CEP95: variants seen among roughly 807,000 people sequenced by gnomAD.
CEP95 encodes centrosomal protein of 95 kDa.
In CEP95, 98 loss-of-function variants were observed where a neutral mutation model predicts 111.2. The ratio of observed to expected loss-of-function variants is 0.88; its 90% CI spans 0.75 to 1.04. CEP95 has a LOEUF of 1.04. CEP95 is among the 50% of genes least tolerant of loss of function. CEP95 has a pLI of 0.00. For synonymous variants in CEP95, 323 were observed against 327.1 expected (o/e 0.99, Z 0.14); for missense variants, 1,027 against 977.2 (o/e 1.05, Z -0.68).
chr17:64,534,742 GTC>G lies in CEP95; in HGVS notation c.2070+7_2070+8del, dbSNP rs573891020. The G allele has an allele frequency of 8.3e-4, 1,340 of 1,609,460 alleles. 5 individuals are homozygous for G. In the Middle Eastern group the frequency reaches 0.02, roughly 24 times the overall value. On this transcript the variant is annotated splice_donor_region_variant and intron_variant, in intron 17 of 19. Coordinates refer to ENST00000556440, the MANE Select transcript of CEP95 (RefSeq NM_138363.3). ...ATGAGGACCCGGGAAGAAATGGTAA[GTC>G]TGACTTTTCTGTCCAGCCCTGTTAA...
intron 5 of CEP95, among the ~76,000 whole-genome samples, chr17:64,517,217 T>G (rs1258433302): frequency 6.6e-6 from 1 of 152,058 alleles, no homozygotes; most frequent in Non-Finnish European, 1.5e-5. Flanking sequence ...CGGCTAATTT[T>G]TATATTTTTA....
intron 19 of CEP95, 65 bp from the exon 20 acceptor site, chr17:64,537,538 G>A (rs1968739898): frequency 6.8e-7 from 1 of 1,477,160 alleles, no homozygotes; most frequent in Admixed American, 2.3e-5. Flanking sequence ...AGATGGAGAG[G>A]GAACAATAGA....
Position 64,508,693 on chromosome 17 carries a change from C to A in CEP95, c.121C>A (p.Gln41Lys). 2.1e-6 allele frequency: 3 copies of A among 1,441,998 alleles called. No homozygotes were observed. The highest frequency in any genetic ancestry group is 2.8e-6 in the Non-Finnish European group (3 of 1,087,084). The allele number at this position is 1,441,998 out of a possible 1,614,324, so 89.3% of individuals were successfully genotyped here. Residue 41 changes from glutamine (Q) to lysine (K), a missense_variant, in exon 2 of 20, where the codon CAG becomes AAG. By Grantham distance (53) the Gln-to-Lys change is moderately conservative. Coordinates refer to ENST00000556440, the MANE Select transcript of CEP95 (RefSeq NM_138363.3). ...TGCTAATGTTTTTATTGCTCTTTATCAGTCTATTTTGGGAGAAAAGGTACC... is the reference window on the plus strand; with the variant it reads ...TGCTAATGTTTTTATTGCTCTTTATAAGTCTATTTTGGGAGAAAAGGTACC... Reference protein sequence around the residue: ...CDANVFIALYQSILGEKVPDL... With the variant: ...CDANVFIALYKSILGEKVPDL...
At chr17:64,535,137 A>G (rs1336949322) in intron 17 of CEP95, 8 of 220,690 alleles carry the variant, frequency 3.6e-5, no homozygotes, top group Non-Finnish European at 6.4e-5. Flanking sequence ...GACATTTGCT[A>G]TGTCATCCTA....
rs1194872725 is a variant in CEP95, at chr17:64,537,900, A to G, written c.*121A>G. 6.2e-6 allele frequency: 3 copies of G among 486,098 alleles called. No individual in the cohort carries two copies. Among genetic ancestry groups the G allele is most frequent in the Non-Finnish European group, 1.0e-5 (3 of 299,592 alleles). 30.1% of individuals were successfully genotyped at this position (486,098 alleles called of 1,614,324 possible). ...TTTCAAATGCTTTACCTGTATTTTC[A>G]TTCCAGTACTTTTTATGATTTTTTA... On this transcript the variant is annotated 3_prime_UTR_variant, in exon 20 of 20. Coordinates refer to ENST00000556440, the MANE Select transcript of CEP95 (RefSeq NM_138363.3).
chr17:64,517,289 C>T (rs916823768), intron 5 of CEP95, among the ~76,000 whole-genome samples: 1 of 152,122 alleles, frequency 6.6e-6, no homozygotes, highest in Non-Finnish European at 1.5e-5. Flanking sequence ...TCAGGTGATC[C>T]ACCTGCCTTG....
chr17:64,530,296 G>T (rs1165880801), intron 12 of CEP95, among the ~76,000 whole-genome samples: 1 of 152,146 alleles, frequency 6.6e-6, no homozygotes, highest in Non-Finnish European at 1.5e-5. Context: ...TGAGGCAGGA[G>T]AATCACTTGA....
At chr17:64,509,894 T>G (rs909536845) in intron 2 of CEP95, among the ~76,000 whole-genome samples, 5 of 151,432 alleles carry the variant, frequency 3.3e-5, no homozygotes, top group African/African-American at 9.8e-5. Context: ...TATTCATGTA[T>G]ATCTATATAT....
chr17:64,509,018 C>T (rs146250977), intron 2 of CEP95, among the ~76,000 whole-genome samples: 9 of 152,242 alleles, frequency 5.9e-5, no homozygotes, highest in Admixed American at 2.0e-4. Flanking sequence ...CTGATAATCA[C>T]GGCTTAACCT....
chr17:64,507,204 C>A, intron 1 of CEP95, 88 bp downstream of exon 1: 4 of 1,536,368 alleles, frequency 2.6e-6, no homozygotes, highest in Non-Finnish European at 3.5e-6. Flanking sequence ...TGGGTCTGGG[C>A]TGTCGGCGGG....
chr17:64,534,607 G>A lies in CEP95; in HGVS notation c.1940G>A (p.Arg647His), dbSNP rs782398984. The change falls in exon 17 of 20, where the codon CGT becomes CAT. Residue 647 changes from arginine to histidine, a missense_variant. By Grantham distance (29) the Arg-to-His change is conservative. Coordinates refer to ENST00000556440, the MANE Select transcript of CEP95 (RefSeq NM_138363.3). ...TAGCAAGACTTCAAGGACTGCATTC[G>A]TAGGCAAAGGTTGACCCAATCAAAG... ...KRLQDFKDCI[R>H]RQRLTQSKIK... 3.2e-5 allele frequency: 51 copies of A among 1,612,814 alleles called. No homozygotes were observed. Among genetic ancestry groups the A allele is most frequent in the South Asian group, 1.8e-4 (16 of 91,076 alleles).
intron 5 of CEP95, among the ~76,000 whole-genome samples, chr17:64,517,749 G>A (rs1966986384): frequency 6.7e-6 from 1 of 148,506 alleles, no homozygotes; most frequent in Non-Finnish European, 1.5e-5. Flanking sequence ...GACCAGGCTG[G>A]TCTTGAATTC....
chr17:64,519,370 G>A lies in CEP95; in HGVS notation c.523G>A (p.Ala175Thr), dbSNP rs1568134149. The change falls in exon 6 of 20, where the codon GCA (alanine) becomes ACA (threonine). Residue 175 changes from alanine to threonine, a missense_variant. Coordinates refer to ENST00000556440, the MANE Select transcript of CEP95 (RefSeq NM_138363.3). ...GGGCCCCTCTTGGGATGGAGATGAA[G>A]CAGAATCCACTGGTGAAATCATTAG... ...MLGPSWDGDEAESTGEIIRLG... is the reference protein window; with the variant it reads ...MLGPSWDGDETESTGEIIRLG... 6 of 1,613,570 alleles carry A rather than the reference G, an allele frequency of 3.7e-6. No homozygotes were observed. Among genetic ancestry groups the A allele is most frequent in the Non-Finnish European group, 4.2e-6 (5 of 1,179,534 alleles).
At chr17:64,537,482 C>G in intron 19 of CEP95, 121 bp from the exon 20 acceptor site, 2 of 1,421,122 alleles carry the variant, frequency 1.4e-6, no homozygotes, top group Non-Finnish European at 1.8e-6. Context: ...GTAAGAGCTG[C>G]TGTTGCTAGA....
intron 6 of CEP95, among the ~76,000 whole-genome samples, chr17:64,520,331 G>T (rs1249402556): frequency 1.3e-5 from 2 of 152,172 alleles, no homozygotes; most frequent in African/African-American, 4.8e-5. Context: ...GCCTGGCCAA[G>T]GTGTTTGGGT....
chr17:64,531,067 G>A (rs1555680236), intron 13 of CEP95, 49 bp downstream of exon 13: 8 of 1,092,944 alleles, frequency 7.3e-6, no homozygotes, highest in Non-Finnish European at 1.1e-5. Flanking sequence ...CAGATGAGTG[G>A]GAAGTACAAA....
At chr17:64,522,467 C>T (rs1051704781) in intron 7 of CEP95, among the ~76,000 whole-genome samples, 1 of 151,384 alleles carries the variant, frequency 6.6e-6, no homozygotes, top group Non-Finnish European at 1.5e-5. Context: ...CATAGCGAGA[C>T]CTCATCTCTA....
At chr17:64,508,066 T>C in intron 1 of CEP95, 1 of 985,476 alleles carries the variant, frequency 1.0e-6, no homozygotes, top group Non-Finnish European at 1.2e-6. Context: ...CCGTTGATGT[T>C]GTTATTATAC....
intron 8 of CEP95, 125 bp downstream of exon 8, chr17:64,523,020 C>A: frequency 1.4e-6 from 1 of 723,576 alleles, no homozygotes; most frequent in Non-Finnish European, 2.2e-6. Flanking sequence ...TATTCTTTGT[C>A]AAGGAAGCCC....
Sources: gnomAD v4.1 joint callset for allele counts (sites outside exome capture counted in the v4.1 genomes callset) on GRCh38, gnomAD v4.1.1 for gene constraint, MANE v1.5 for transcripts, NCBI Gene and HGNC (gene_info 2026-07-23, HGNC 2026-07-21) for gene names.